ZHX3: variants seen among roughly 807,000 people sequenced by gnomAD.
The protein encoded by ZHX3 is zinc fingers and homeoboxes 3, also known as zinc fingers and homeoboxes protein 3.
A neutral mutation model predicts 64.5 loss-of-function variants in ZHX3; 20 were observed. That is an observed-to-expected ratio of 0.31 (90% CI 0.22 to 0.45). The LOEUF is 0.45. Among genes scored for constraint, ZHX3 ranks in the 20% least tolerant of loss-of-function variants. The probability of loss-of-function intolerance (pLI) is 1.00; values close to 1 mark genes in which losing one functional copy is unlikely to be tolerated. For missense variants in ZHX3, 1,041 were observed against 1,195.8 expected, an observed-to-expected ratio of 0.87 and a Z score of 1.91; for synonymous variants, 423 against 461.6, an observed-to-expected ratio of 0.92 and a Z score of 1.07.
chr20:41,307,586 A>G (rs2045016722), intron 1 of ZHX3, among the ~76,000 whole-genome samples: 1 of 152,234 alleles, frequency 6.6e-6, no homozygotes, highest in Admixed American at 6.5e-5. Context: ...AATTACAGAA[A>G]CAAGGTATCC....
rs890896614 is a variant in ZHX3, at chr20:41,228,776, A to T, written c.-150-23710T>A. On this transcript the variant is annotated intron_variant, in intron 2 of 3. Coordinates refer to ENST00000683867, the MANE Select transcript of ZHX3 (RefSeq NM_001384317.1). This position sits in a 1 kb window ranked among gnomAD's most constrained non-coding sequence, Gnocchi z 4.6. Reference sequence around the variant, plus strand: ...GCACCATACATCCAGATTTCCAAGCATACTTATTTTTTTCCTAGTTTCCTT... The same window carrying T: ...GCACCATACATCCAGATTTCCAAGCTTACTTATTTTTTTCCTAGTTTCCTT... Among the ~76,000 whole-genome samples, 1 of 152,214 alleles carries T rather than the reference A, an allele frequency of 6.6e-6. No homozygotes were observed. The highest frequency in any genetic ancestry group is 2.4e-5 in the African/African-American group (1 of 41,468).
intron 1 of ZHX3, 63 bp downstream of exon 1, chr20:41,317,444 TAC>T (rs930050575): frequency 1.3e-5 from 2 of 150,420 alleles, no homozygotes; most frequent in East Asian, 4.0e-4. Flanking sequence ...CAGAGAGAGA[TAC>T]AGACACCGGG....
At chr20:41,190,254 A>C (rs2036899814) in intron 3 of ZHX3, among the ~76,000 whole-genome samples, 1 of 152,230 alleles carries the variant, frequency 6.6e-6, no homozygotes, top group African/African-American at 2.4e-5. Flanking sequence ...GGCTCACTGC[A>C]ACCTCTGCTT....
At chr20:41,186,888 T>G (rs1191160915) in intron 3 of ZHX3, among the ~76,000 whole-genome samples, 1 of 152,250 alleles carries the variant, frequency 6.6e-6, no homozygotes, top group Non-Finnish European at 1.5e-5. Flanking sequence ...ATCAGATGTA[T>G]GATTTTCAGC....
intron 3 of ZHX3, among the ~76,000 whole-genome samples, chr20:41,194,473 C>G (rs2037316534): frequency 6.6e-6 from 1 of 152,116 alleles, no homozygotes; most frequent in Non-Finnish European, 1.5e-5. Flanking sequence ...ATTTGGCTTG[C>G]TATTTTGTTG....
At chr20:41,205,296 G>A (rs575910733) in intron 2 of ZHX3, among the ~76,000 whole-genome samples, 3 of 152,102 alleles carry the variant, frequency 2.0e-5, no homozygotes, top group African/African-American at 7.2e-5. Context: ...CTTAAGCAAC[G>A]TATTTTTGTT....
intron 2 of ZHX3, among the ~76,000 whole-genome samples, chr20:41,243,344 A>T (rs2041502741): frequency 6.6e-6 from 1 of 152,206 alleles, no homozygotes; most frequent in Non-Finnish European, 1.5e-5. Flanking sequence ...TCAAGGTAAT[A>T]AGAAACAGTT....
chr20:41,276,479 G>C (rs1435517520), intron 1 of ZHX3, among the ~76,000 whole-genome samples: 2 of 152,176 alleles, frequency 1.3e-5, no homozygotes, highest in Non-Finnish European at 2.9e-5. Context: ...CAAAACAACT[G>C]CTGTGATTTG....
chr20:41,194,788 G>A (rs150264561), intron 3 of ZHX3, among the ~76,000 whole-genome samples: 4 of 152,160 alleles, frequency 2.6e-5, no homozygotes, highest in Middle Eastern at 3.4e-3. Context: ...GGGAGAGTGC[G>A]GGTTTCTAGG....
At chr20:41,238,406 G>A (rs769566966) in intron 2 of ZHX3, among the ~76,000 whole-genome samples, 7 of 152,272 alleles carry the variant, frequency 4.6e-5, no homozygotes, top group African/African-American at 1.4e-4. Context: ...GCAGCAGGGA[G>A]TGAAGGCTGG....
At position 41,297,532 on chromosome 20, in the gene ZHX3, C is replaced by T. The variant is rs2044595263; in HGVS notation, c.-245+19977G>A. Among the ~76,000 whole-genome samples, 3 of 152,172 alleles carry T rather than the reference C, an allele frequency of 2.0e-5. No homozygotes were observed. The South Asian group carries it at 6.2e-4, about 32-fold the overall frequency. ...CAAACATCCCATCTTTCCTATTGTGCCATGGTTTCATGTGGAGTTAGAAAA... is the reference window on the plus strand; with the variant it reads ...CAAACATCCCATCTTTCCTATTGTGTCATGGTTTCATGTGGAGTTAGAAAA... On this transcript the variant is annotated intron_variant, in intron 1 of 3. Coordinates refer to ENST00000683867, the MANE Select transcript of ZHX3 (RefSeq NM_001384317.1).
At chr20:41,308,134 T>C (rs369648020) in intron 1 of ZHX3, among the ~76,000 whole-genome samples, 9 of 152,356 alleles carry the variant, frequency 5.9e-5, no homozygotes, top group African/African-American at 2.2e-4. Flanking sequence ...GGTTGAGTAT[T>C]CCTCAGCTTT....
At chr20:41,188,177 T>C (rs1017784013) in intron 3 of ZHX3, among the ~76,000 whole-genome samples, 1 of 152,206 alleles carries the variant, frequency 6.6e-6, no homozygotes, top group Non-Finnish European at 1.5e-5. Context: ...GTATTTGTCT[T>C]TCTGTGCCTG....
At chr20:41,222,649 T>A (rs1448367013) in intron 2 of ZHX3, among the ~76,000 whole-genome samples, 1 of 152,174 alleles carries the variant, frequency 6.6e-6, no homozygotes, top group Non-Finnish European at 1.5e-5. Context: ...CTCTCTGAGG[T>A]GTGAGACAGC....
chr20:41,203,454 G>A lies in ZHX3; in HGVS notation c.1463C>T (p.Ser488Phe). ...GATGCTAGCATCAAGGAAGGCTTGGGAGGTTATGCTGGGGCAGGCCGTGAG... is the reference window on the plus strand; with the variant it reads ...GATGCTAGCATCAAGGAAGGCTTGGAAGGTTATGCTGGGGCAGGCCGTGAG... Reference protein sequence around the residue: ...SLLTACPSITSQAFLDASIYK... With the variant: ...SLLTACPSITFQAFLDASIYK... Residue 488 changes from serine (S) to phenylalanine (F), a missense_variant, in exon 3 of 4, where the codon TCC becomes TTC. Transcript: ENST00000683867. The surrounding 1 kb of genome is among the most constrained non-coding windows in gnomAD (Gnocchi z 7.1). 1 of 1,614,196 alleles carries A rather than the reference G, an allele frequency of 6.2e-7. No homozygotes were observed. Among genetic ancestry groups the A allele is most frequent in the Non-Finnish European group, 8.5e-7 (1 of 1,180,034 alleles).
At position 41,185,232 on chromosome 20, in the gene ZHX3, C is replaced by A; in HGVS notation, c.2861-31G>T. On this transcript the variant is annotated intron_variant, in intron 3 of 3. Transcript: ENST00000683867. This position sits in a 1 kb window ranked among gnomAD's most constrained non-coding sequence, Gnocchi z 5.0. The stretch of plus-strand genomic sequence containing the variant: ...AAGAAAACACATGCCTGTCACTCTA[C>A]GGCAGCTGCCACCACCTGCCCCCCA... The A allele has an allele frequency of 1.3e-6, 2 of 1,579,302 alleles. No homozygotes were observed. The highest frequency in any genetic ancestry group is 1.7e-6 in the Non-Finnish European group (2 of 1,159,870).
chr20:41,217,067 T>G (rs372325935), intron 2 of ZHX3, among the ~76,000 whole-genome samples: 4 of 152,208 alleles, frequency 2.6e-5, no homozygotes, highest in African/African-American at 9.6e-5. Context: ...CTGTCATAGA[T>G]GAAACTGGGG....
intron 2 of ZHX3, among the ~76,000 whole-genome samples, chr20:41,247,771 C>A (rs1283003268): frequency 6.6e-6 from 1 of 152,194 alleles, no homozygotes; most frequent in Non-Finnish European, 1.5e-5. Flanking sequence ...ATTTGCCTTT[C>A]TAGAGCACAT....
At chr20:41,306,805 GC>G (rs1568966513) in intron 1 of ZHX3, among the ~76,000 whole-genome samples, 11 of 152,168 alleles carry the variant, frequency 7.2e-5, no homozygotes. Context: ...CTGGGCCAGG[GC>G]CCCATTTCAG....
Sources: gnomAD v4.1 joint callset for allele counts (sites outside exome capture counted in the v4.1 genomes callset) on GRCh38, gnomAD v4.1.1 for gene constraint, Gnocchi (gnomAD v3.1) non-coding constraint, MANE v1.5 for transcripts, NCBI Gene and HGNC (gene_info 2026-07-23, HGNC 2026-07-21) for gene names.